ZNF618: variants seen among roughly 807,000 people sequenced by gnomAD.
ZNF618 encodes zinc finger protein 618, also known as neural precursor cell expressed, developmentally down-regulated 10.
In ZNF618, 34 loss-of-function variants were observed where a neutral mutation model predicts 103.0. The ratio of observed to expected loss-of-function variants is 0.33; its 90% CI spans 0.25 to 0.44. ZNF618 has a LOEUF of 0.44. Ranked by LOEUF, ZNF618 falls within the 20% of genes least tolerant of loss-of-function variation. The pLI is 1.00. For synonymous variants in ZNF618, 551 were observed against 542.2 expected (o/e 1.02, Z -0.23); for missense variants, 1,059 against 1,295.4 (o/e 0.82, Z 2.80).
intron 1 of ZNF618, among the ~76,000 whole-genome samples, chr9:113,883,982 G>GGCCCCC: frequency 3.4e-5 from 1 of 29,714 alleles, no homozygotes; most frequent in African/African-American, 1.5e-4. Context: ...TCTGGGCTTG[G>GGCCCCC]CCCCCCCCCC....
At chr9:113,998,092 C>T (rs1221034689) in intron 3 of ZNF618, among the ~76,000 whole-genome samples, 167 bp from the exon 4 acceptor site, 1 of 152,204 alleles carries the variant, frequency 6.6e-6, no homozygotes, top group Non-Finnish European at 1.5e-5. Flanking sequence ...TGCCAGCCTC[C>T]CTGGGGAACA....
At chr9:113,877,789 G>T (rs1828098467) in intron 1 of ZNF618, among the ~76,000 whole-genome samples, 1 of 151,984 alleles carries the variant, frequency 6.6e-6, no homozygotes, top group Non-Finnish European at 1.5e-5. Context: ...GCAATATTAA[G>T]TGGAAAAAAT....
At chr9:113,993,099 C>T (rs1346768045) in intron 3 of ZNF618, among the ~76,000 whole-genome samples, 1 of 152,220 alleles carries the variant, frequency 6.6e-6, no homozygotes, top group Non-Finnish European at 1.5e-5. Flanking sequence ...GACGCCTGCA[C>T]CCATCTGACA....
intron 1 of ZNF618, among the ~76,000 whole-genome samples, chr9:113,922,170 A>T (rs547535028): frequency 6.6e-6 from 1 of 152,248 alleles, no homozygotes. Flanking sequence ...CCAGGGAACA[A>T]AAAATAAACA....
rs182236970 is a variant in ZNF618 at position 114,036,479 on chromosome 9, T to C, written c.1246+102T>C. ...GAGGCCCCTGGAGAAGGCCGCTCTT[T>C]CCTGGAAAATGGTCACAGGACATGG... is the stretch of plus-strand genomic sequence containing the variant. On this transcript the variant is annotated intron_variant, in intron 13 of 14. Coordinates refer to ENST00000374126, the MANE Select transcript of ZNF618 (RefSeq NM_001318042.2). The C allele has an allele frequency of 6.5e-6, 8 of 1,239,584 alleles. No homozygotes were observed. In the Admixed American group the frequency reaches 8.6e-5, roughly 13 times the overall value. The allele number at this position is 1,239,584 out of a possible 1,614,324, so 76.8% of individuals were successfully genotyped here. A position where few individuals can be genotyped will look rare whatever the true frequency, so the allele number is the denominator to read the frequency against.
intron 1 of ZNF618, among the ~76,000 whole-genome samples, chr9:113,938,564 C>CTTTTCTTTTTTTTTTTTTTTT (rs1564192158): frequency 1.3e-5 from 1 of 77,690 alleles, no homozygotes; most frequent in Non-Finnish European, 2.9e-5. Flanking sequence ...ATTATATTTT[C>CTTTTCTTTTTTTTTTTTTTTT]TTTTTTTCTT....
At chr9:113,983,792 G>A (rs931502281) in intron 2 of ZNF618, among the ~76,000 whole-genome samples, 1 of 152,138 alleles carries the variant, frequency 6.6e-6, no homozygotes, top group African/African-American at 2.4e-5. Context: ...TCTGCTACAC[G>A]TCCTGTGCCT....
intron 2 of ZNF618, among the ~76,000 whole-genome samples, chr9:113,979,083 C>T (rs1838742341): frequency 6.6e-6 from 1 of 152,136 alleles, no homozygotes; most frequent in Non-Finnish European, 1.5e-5. Context: ...CACAAGGATA[C>T]AAAAAGCAGT....
chr9:113,919,251 G>A (rs1214156342), intron 1 of ZNF618, among the ~76,000 whole-genome samples: 2 of 152,138 alleles, frequency 1.3e-5, no homozygotes, highest in African/African-American at 2.4e-5. Flanking sequence ...AACAGCAGCC[G>A]CGGCAGGGAG....
chr9:113,946,781 C>G (rs1048974954), intron 1 of ZNF618, among the ~76,000 whole-genome samples: 3 of 152,284 alleles, frequency 2.0e-5, no homozygotes, highest in African/African-American at 7.2e-5. Flanking sequence ...TTGGGGATCT[C>G]ATGTTCTTGG....
chr9:113,973,543 A>G (rs1247741070), intron 2 of ZNF618, among the ~76,000 whole-genome samples: 1 of 152,096 alleles, frequency 6.6e-6, no homozygotes, highest in African/African-American at 2.4e-5. Flanking sequence ...CTTCCCTGTA[A>G]CCCAAACTGG....
intron 6 of ZNF618, among the ~76,000 whole-genome samples, chr9:114,006,153 C>G (rs922319792): frequency 6.6e-6 from 1 of 152,190 alleles, no homozygotes; most frequent in South Asian, 2.1e-4. Context: ...CACGGAATTA[C>G]CTGGCAGCGT....
chr9:113,946,333 A>G (rs1835025822), intron 1 of ZNF618, among the ~76,000 whole-genome samples: 1 of 151,818 alleles, frequency 6.6e-6, no homozygotes, highest in East Asian at 1.9e-4. Context: ...AAGGTCACAT[A>G]GCAAGTTAAT....
At chr9:113,900,351 C>A (rs1830407746) in intron 1 of ZNF618, among the ~76,000 whole-genome samples, 2 of 152,166 alleles carry the variant, frequency 1.3e-5, no homozygotes, top group South Asian at 4.1e-4. Flanking sequence ...CGTGAGCCAC[C>A]ATGCCTGGCC....
intron 1 of ZNF618, among the ~76,000 whole-genome samples, chr9:113,935,662 C>T (rs1280737372): frequency 1.3e-5 from 2 of 152,192 alleles, no homozygotes; most frequent in Non-Finnish European, 2.9e-5. Flanking sequence ...CTACTCTTCT[C>T]CTTCGAGCCC....
chr9:114,044,631 A>C (rs148558039), intron 13 of ZNF618, among the ~76,000 whole-genome samples: 67 of 152,280 alleles, frequency 4.4e-4, no homozygotes, highest in African/African-American at 1.5e-3. Context: ...TGCTGTTGGC[A>C]GTATGGTCAT....
intron 1 of ZNF618, among the ~76,000 whole-genome samples, chr9:113,899,327 C>A (rs1386219795): frequency 6.6e-6 from 1 of 152,156 alleles, no homozygotes; most frequent in Non-Finnish European, 1.5e-5. Flanking sequence ...CCCTGGTAGC[C>A]TCCATTCCAC....
In ZNF618 at chr9:114,051,805, T is replaced by A. The variant is rs1314447912; in HGVS notation, c.*1638T>A. ...AGCAAATTAGGTTCTACACACACAG[T>A]TCGGATGCCAAGGGTGACACCCCAT... On this transcript the variant is annotated 3_prime_UTR_variant, in exon 15 of 15. Transcript: ENST00000374126. 2 of 152,194 alleles carry A rather than the reference T, an allele frequency of 1.3e-5. No individual in the cohort carries two copies. The highest frequency in any genetic ancestry group is 4.8e-5 in the African/African-American group (2 of 41,428). The allele number at this position is 152,194 out of a possible 1,614,324, so 9.4% of individuals were successfully genotyped here. A position where few individuals can be genotyped will look rare whatever the true frequency, so the allele number is the denominator to read the frequency against.
In ZNF618 at chr9:113,952,562, T is replaced by C. The variant is rs375485228; in HGVS notation, c.34-16555T>C. On this transcript the variant is annotated intron_variant, in intron 1 of 14. Coordinates refer to ENST00000374126, the MANE Select transcript of ZNF618 (RefSeq NM_001318042.2). ...CCTTTTGGGGGAGTTAGGGATGGCA[T>C]GATGGTTGAGTGATGGGCCTTGGGG... Among the ~76,000 whole-genome samples the C allele has an allele frequency of 1.2e-4, 19 of 152,340 alleles. No homozygotes were observed. The East Asian group carries it at 2.7e-3, about 22-fold the overall frequency.
Sources: allele counts gnomAD v4.1 joint callset (sites outside exome capture counted in the v4.1 genomes callset), GRCh38; gene constraint gnomAD v4.1.1; transcripts MANE v1.5; gene names NCBI Gene and HGNC (gene_info 2026-07-23, HGNC 2026-07-21).